ZFP2: variants seen among roughly 807,000 people sequenced by gnomAD.
ZFP2 encodes ZFP2 zinc finger protein, also known as zinc finger protein ZFP2.
ZFP2 carries 33 observed loss-of-function variants against 36.1 expected under a neutral mutation model. The ratio of observed to expected loss-of-function variants is 0.92; its 90% CI spans 0.69 to 1.22. The LOEUF (loss-of-function observed/expected upper bound fraction) is 1.22, where lower values mean the gene tolerates loss of function less well. Among genes scored for constraint, ZFP2 ranks in the 50% most tolerant of loss-of-function variants. ZFP2 has a pLI of 0.00. For synonymous variants in ZFP2, 170 were observed against 178.0 expected (o/e 0.96, Z 0.36); for missense variants, 522 against 551.4 (o/e 0.95, Z 0.53).
Position 178,932,071 on chromosome 5 carries a change from A to G in ZFP2, c.758A>G (p.Gln253Arg), listed in dbSNP as rs1758860464. ...AATGAATGTGGAAAAGCCTTCAGTC[A>G]AAGCATGCATCTTATTGTACATCAG... Reference protein sequence around the residue: ...ECNECGKAFSQSMHLIVHQRS... With the variant: ...ECNECGKAFSRSMHLIVHQRS... The change falls in exon 5 of 5, where the codon CAA becomes CGA. Residue 253 changes from glutamine (Q) to arginine (R), a missense_variant. Gln to Arg is a conservative substitution (Grantham distance 43). Coordinates refer to ENST00000361362, the MANE Select transcript of ZFP2 (RefSeq NM_030613.4). 3 of 1,614,130 alleles carry G rather than the reference A, an allele frequency of 1.9e-6. No individual in the cohort carries two copies.
Position 178,932,462 on chromosome 5 carries a change from G to A in ZFP2, c.1149G>A (p.Glu383=), listed in dbSNP as rs750436718. 4.3e-6 allele frequency: 7 copies of A among 1,614,036 alleles called. No homozygotes were observed. In the East Asian group the frequency reaches 1.6e-4, roughly 36 times the overall value. Reference sequence around the variant, plus strand: ...TTCACACTGGAGAGAAACCTTATGAGTGCAATGAATGTGGAAAGGCATTCA... The same window carrying A: ...TTCACACTGGAGAGAAACCTTATGAATGCAATGAATGTGGAAAGGCATTCA... The part of the protein sequence containing the change: ...QVIHTGEKPY[E]CNECGKAFSQ... The change falls in exon 5 of 5, where the codon GAG becomes GAA. Residue 383 remains glutamate (E), a synonymous_variant. Coordinates refer to ENST00000361362, the MANE Select transcript of ZFP2 (RefSeq NM_030613.4).
rs934947483 is a variant in ZFP2 at position 178,913,012 on chromosome 5, C to T, written c.-283C>T. 31 of 985,782 alleles carry T rather than the reference C, an allele frequency of 3.1e-5. No individual in the cohort carries two copies. The highest frequency in any genetic ancestry group is 3.6e-5 in the Non-Finnish European group (30 of 829,974). The allele number at this position is 985,782 out of a possible 1,614,324, so 61.1% of individuals were successfully genotyped here. On this transcript the variant is annotated 5_prime_UTR_variant, in exon 3 of 5. Coordinates refer to ENST00000361362, the MANE Select transcript of ZFP2 (RefSeq NM_030613.4). ...CACCTTTCCAAACCCAATGGGACTT[C>T]CCAGCTGGAACGAGAACTGAGTCTG...
chr5:178,921,553 G>T (rs10043786), intron 4 of ZFP2, among the ~76,000 whole-genome samples: 34,943 of 148,876 alleles, frequency 0.23, 6,492 homozygotes, highest in Non-Finnish European at 0.27. Context: ...AAGTGCTGGG[G>T]TGCAATAGAA....
At chr5:178,900,525 C>G (rs1758035120) in intron 1 of ZFP2, among the ~76,000 whole-genome samples, 1 of 52,682 alleles carries the variant, frequency 1.9e-5, no homozygotes, top group Non-Finnish European at 3.6e-5. Context: ...TCCACGTCCC[C>G]CACCCCAGCC....
chr5:178,916,389 G>A (rs376398842), intron 3 of ZFP2, among the ~76,000 whole-genome samples, 176 bp from the exon 4 acceptor site: 2 of 152,194 alleles, frequency 1.3e-5, no homozygotes, highest in Admixed American at 6.5e-5. Context: ...GGAAGAAAGA[G>A]TAAGAACTCA....
At chr5:178,922,700 A>C (rs1352460842) in intron 4 of ZFP2, 1 of 1,582,540 alleles carries the variant, frequency 6.3e-7, no homozygotes, top group Non-Finnish European at 8.6e-7. Context: ...ATAGAAAGCA[A>C]CTTACATACA....
At chr5:178,923,738 T>C (rs1758608187) in intron 4 of ZFP2, among the ~76,000 whole-genome samples, 1 of 147,588 alleles carries the variant, frequency 6.8e-6, no homozygotes, top group Non-Finnish European at 1.5e-5. Context: ...TTTAAAAATT[T>C]GTAGGTAATC....
chr5:178,931,835 T>C lies in ZFP2; in HGVS notation c.522T>C (p.Thr174=), dbSNP rs1368664439. ...GKAFSQSMNL[T]VHQRTHTGEK... ...CCTTTAGTCAGAGCATGAATCTTAC[T>C]GTCCATCAACGAACTCACACCGGAG... Residue 174 remains threonine, a synonymous_variant, in exon 5 of 5, where the codon ACT becomes ACC. Coordinates refer to ENST00000361362, the MANE Select transcript of ZFP2 (RefSeq NM_030613.4). The C allele has an allele frequency of 6.8e-6, 11 of 1,612,540 alleles. No individual in the cohort carries two copies. Among genetic ancestry groups the C allele is most frequent in the Non-Finnish European group, 9.3e-6 (11 of 1,178,804 alleles).
chr5:178,903,099 GTAAC>G (rs1268848562), intron 1 of ZFP2, among the ~76,000 whole-genome samples: 7 of 152,140 alleles, frequency 4.6e-5, no homozygotes, highest in African/African-American at 1.7e-4. Flanking sequence ...TGAGAAATGA[GTAAC>G]TCAGATGTTG....
intron 4 of ZFP2, among the ~76,000 whole-genome samples, chr5:178,923,289 A>G (rs1451186880): frequency 6.7e-6 from 1 of 149,622 alleles, no homozygotes; most frequent in South Asian, 2.1e-4. Context: ...TTTAAGCAAT[A>G]GCATCCCATT....
chr5:178,906,208 A>T (rs959541302), intron 1 of ZFP2, among the ~76,000 whole-genome samples: 1 of 152,216 alleles, frequency 6.6e-6, no homozygotes, highest in Non-Finnish European at 1.5e-5. Context: ...TTAGGGAAGC[A>T]AGGAAGACCA....
chr5:178,912,087 C>T (rs543597989), intron 1 of ZFP2, among the ~76,000 whole-genome samples: 29 of 152,240 alleles, frequency 1.9e-4, no homozygotes, highest in African/African-American at 3.9e-4. Context: ...AAGCCGAGAA[C>T]GTGCCACTGC....
chr5:178,928,897 T>C (rs558508933), intron 4 of ZFP2, among the ~76,000 whole-genome samples: 1 of 152,252 alleles, frequency 6.6e-6, no homozygotes, highest in Non-Finnish European at 1.5e-5. Context: ...CCTAGGCTTT[T>C]CTATACATCC....
chr5:178,924,605 C>G lies in ZFP2; in HGVS notation c.-77-6632C>G, dbSNP rs143856556. 4.8e-3 allele frequency among the ~76,000 whole-genome samples: 706 copies of G among 148,620 alleles called. 24 individuals are homozygous for G. The highest frequency in any genetic ancestry group is 0.016 in the African/African-American group (658 of 41,128). On this transcript the variant is annotated intron_variant, in intron 4 of 4. Coordinates refer to ENST00000361362, the MANE Select transcript of ZFP2 (RefSeq NM_030613.4). ...CAGTAATCCCAGCACTTTGGGAGGCCAAGGTGGGTGGATCACCTGAGGTCA... is the reference window on the plus strand; with the variant it reads ...CAGTAATCCCAGCACTTTGGGAGGCGAAGGTGGGTGGATCACCTGAGGTCA...
chr5:178,925,673 T>C (rs1198153149), intron 4 of ZFP2, among the ~76,000 whole-genome samples: 1 of 149,176 alleles, frequency 6.7e-6, no homozygotes, highest in Non-Finnish European at 1.5e-5. Flanking sequence ...TTGCTTACGT[T>C]TGCAGACCAT....
chr5:178,932,133 CAAT>C lies in ZFP2; in HGVS notation c.821_823del (p.Gln274_Cys275delinsArg), dbSNP rs1339977764. The C allele has an allele frequency of 2.5e-6, 4 of 1,612,564 alleles. No individual in the cohort carries two copies. The highest frequency in any genetic ancestry group is 3.4e-6 in the Non-Finnish European group (4 of 1,179,016). On this transcript the variant is annotated inframe_deletion, in exon 5 of 5. Transcript: ENST00000361362. Reference sequence around the variant, plus strand: ...TGGAGAAAAACCCTATGAGTGTAGTCAATGTGGAAAAGCCTTTAGTAAGAGCTC... The same window carrying C: ...TGGAGAAAAACCCTATGAGTGTAGTCGTGGAAAAGCCTTTAGTAAGAGCTC...
chr5:178,932,160 T>C lies in ZFP2; in HGVS notation c.847T>C (p.Ser283Pro). The change falls in exon 5 of 5, where the codon TCA becomes CCA. Residue 283 changes from serine to proline, a missense_variant. Transcript: ENST00000361362. ...ATGTGGAAAAGCCTTTAGTAAGAGCTCAACTCTTACCCTACATCAGCGAAA... is the reference window on the plus strand; with the variant it reads ...ATGTGGAAAAGCCTTTAGTAAGAGCCCAACTCTTACCCTACATCAGCGAAA... ...SQCGKAFSKS[S>P]TLTLHQRNHT... 1.2e-6 allele frequency: 2 copies of C among 1,613,344 alleles called. No individual in the cohort carries two copies. Among genetic ancestry groups the C allele is most frequent in the Non-Finnish European group, 1.7e-6 (2 of 1,179,490 alleles).
At chr5:178,928,624 C>G (rs1758747601) in intron 4 of ZFP2, among the ~76,000 whole-genome samples, 1 of 152,248 alleles carries the variant, frequency 6.6e-6, no homozygotes, top group Non-Finnish European at 1.5e-5. Flanking sequence ...TTGGGCAGAT[C>G]TGCCCACATG....
In ZFP2 at chr5:178,931,693, A is replaced by G; in HGVS notation, c.380A>G (p.Glu127Gly). The G allele has an allele frequency of 6.2e-7, 1 of 1,614,206 alleles. No homozygotes were observed. The highest frequency in any genetic ancestry group is 8.5e-7 in the Non-Finnish European group (1 of 1,180,032). ...AAGCACCAGAGGATTCATACTGGGG[A>G]GAAACCCTATAAGTGTAATGTATGT... ...LLKHQRIHTG[E>G]KPYKCNVCGK... is the part of the protein sequence containing the mutation. The change falls in exon 5 of 5, where the codon GAG becomes GGG. Residue 127 changes from glutamate to glycine, a missense_variant. Physicochemically the swap from Glu to Gly is moderately conservative, Grantham distance 98 (BLOSUM62 -2). Coordinates refer to ENST00000361362, the MANE Select transcript of ZFP2 (RefSeq NM_030613.4).
Sources: allele counts gnomAD v4.1 joint callset (sites outside exome capture counted in the v4.1 genomes callset), GRCh38; gene constraint gnomAD v4.1.1; transcripts MANE v1.5; gene names NCBI Gene and HGNC (gene_info 2026-07-23, HGNC 2026-07-21).